FAM3A: variants seen among roughly 807,000 people sequenced by gnomAD.
FAM3A encodes the protein FAM3 metabolism regulating signaling molecule A, also known as protein FAM3A.
FAM3A carries 5 observed loss-of-function variants against 18.1 expected under a neutral mutation model. The ratio of observed to expected loss-of-function variants is 0.28; its 90% CI spans 0.14 to 0.58. The LOEUF is 0.58. FAM3A is among the 20% of genes least tolerant of loss of function. FAM3A has a pLI of 0.91. For missense variants in FAM3A, 154 were observed against 216.6 expected (o/e 0.71, Z 1.81); for synonymous variants, 108 against 90.2 (o/e 1.20, Z -1.12).
intron 1 of FAM3A, among the ~76,000 whole-genome samples, chrX:154,514,737 C>CG (rs1436055937): frequency 1.8e-5 from 2 of 110,589 alleles, no homozygotes; most frequent in African/African-American, 6.6e-5. Context: ...TTAGTAGAGA[C>CG]GGGGTTTCAC....
intron 2 of FAM3A, chrX:154,512,452 A>G (rs898937788): frequency 7.2e-5 from 16 of 221,288 alleles, no homozygotes; most frequent in Non-Finnish European, 1.1e-4. Context: ...CAAACAAACA[A>G]AAAAGTACTC....
chrX:154,507,932 G>A lies in FAM3A; in HGVS notation c.335-71C>T, dbSNP rs782596815. On this transcript the variant is annotated intron_variant, in intron 5 of 8. Coordinates refer to ENST00000447601, the MANE Select transcript of FAM3A (RefSeq NM_021806.4). ...CAGGGCACGGCAGGCGGGTAGCACC[G>A]GGGGTGGGGGGCAGCCCTTCTGGAA... 7.7e-5 allele frequency: 71 copies of A among 924,238 alleles called. 1 individual carries two copies. The highest frequency in any genetic ancestry group is 3.3e-4 in the South Asian group (14 of 42,938). The allele number at this position is 924,238 out of a possible 1,213,427, so 76.2% of individuals were successfully genotyped here. A position where few individuals can be genotyped will look rare whatever the true frequency, so the allele number is the denominator to read the frequency against.
At chrX:154,512,783 G>C in intron 2 of FAM3A, 40 bp downstream of exon 2, 6 of 1,077,923 alleles carry the variant, frequency 5.6e-6, no homozygotes, top group Non-Finnish European at 7.7e-6. Flanking sequence ...GGCCACCTTG[G>C]TGGCCTCCAG....
chrX:154,508,218 A>G, intron 5 of FAM3A, 71 bp downstream of exon 5: 2 of 859,943 alleles, frequency 2.3e-6, no homozygotes, highest in Non-Finnish European at 3.2e-6. Context: ...AGGGAGGGCA[A>G]ACACCCAGAG....
rs782118620 is a variant in FAM3A at position 154,507,192 on chromosome X, AC to A, written c.597+10del. ...TGCCCCGGTGGGGGTGATGCCAGGC[AC>A]CCCCCATACCTGCTCAAAGGGGCTC... On this transcript the variant is annotated intron_variant, in intron 8 of 8. Coordinates refer to ENST00000447601, the MANE Select transcript of FAM3A (RefSeq NM_021806.4). The A allele has an allele frequency of 2.5e-6, 3 of 1,188,474 alleles. No individual in the cohort carries two copies. In the Admixed American group the frequency reaches 6.9e-5, roughly 28 times the overall value.
rs1262367906 is a variant in FAM3A at position 154,516,033 on chromosome X, G to A, written c.-261C>T. ...CTTGCCCACAGGAGCCTCCGGGGCT[G>A]GGACGAAGATGTGGTTCTCCTGGGC... On this transcript the variant is annotated 5_prime_UTR_variant, in exon 1 of 9. Transcript: ENST00000447601. 1 of 389,626 alleles carries A rather than the reference G, an allele frequency of 2.6e-6. No homozygotes were observed. The highest frequency in any genetic ancestry group is 4.5e-6 in the Non-Finnish European group (1 of 223,591). The allele number at this position is 389,626 out of a possible 1,213,427, so 32.1% of individuals were successfully genotyped here.
Position 154,508,533 on chromosome X carries a change from G to A in FAM3A, c.216C>T (p.Phe72=). ...CGTTGGCGGCCCCGCTGACCACGCG[G>A]AAGGCCAGGTGCTCCTCAGGACACG... is the stretch of plus-strand genomic sequence containing the variant. ...PQPCPEEHLA[F]RVVSGAANVI... Residue 72 remains phenylalanine (F), a synonymous_variant, in exon 4 of 9, where the codon TTC becomes TTT. Transcript: ENST00000447601. The A allele has an allele frequency of 1.7e-6, 2 of 1,205,912 alleles. No homozygotes were observed. The highest frequency in any genetic ancestry group is 2.2e-6 in the Non-Finnish European group (2 of 892,296).
chrX:154,508,930 G>A (rs1557221150), intron 3 of FAM3A: 4 of 331,249 alleles, frequency 1.2e-5, no homozygotes, highest in African/African-American at 1.1e-4. Flanking sequence ...GCCAACCTGA[G>A]CAAAGGCAGT....
Position 154,507,027 on chromosome X carries a change from C to T in FAM3A, c.598-121G>A. ...TGGCCAACGGTGTACTCTCAGGGCACTTGGCCCCTCCACCCATCCCAGGGA... is the reference window on the plus strand; with the variant it reads ...TGGCCAACGGTGTACTCTCAGGGCATTTGGCCCCTCCACCCATCCCAGGGA... On this transcript the variant is annotated intron_variant, in intron 8 of 8. Transcript: ENST00000447601. 3.4e-6 allele frequency: 3 copies of T among 889,120 alleles called. No individual in the cohort carries two copies. In the Admixed American group the frequency reaches 8.1e-5, roughly 24 times the overall value. 73.3% of individuals were successfully genotyped at this position (889,120 alleles called of 1,213,427 possible).
Position 154,507,426 on chromosome X carries a change from G to C in FAM3A, c.450C>G (p.Ser150=), listed in dbSNP as rs2069607341. The change falls in exon 7 of 9, where the codon TCC becomes TCG. Residue 150 remains serine, a synonymous_variant. Transcript: ENST00000447601. ...CCTACTTGGTGGCTGGGTCGTCGTA[G>C]GATGCCACGAACACCAGGGTGCCTT... is the stretch of plus-strand genomic sequence containing the variant. ...LHEGTLVFVA[S]YDDPATKMNE... is the part of the protein sequence containing the mutation. 3 of 1,211,577 alleles carry C rather than the reference G, an allele frequency of 2.5e-6. No homozygotes were observed. Among genetic ancestry groups the C allele is most frequent in the Non-Finnish European group, 3.4e-6 (3 of 895,408 alleles).
At chrX:154,514,940 C>T (rs1372060643) in intron 1 of FAM3A, among the ~76,000 whole-genome samples, 2 of 111,005 alleles carry the variant, frequency 1.8e-5, no homozygotes, top group Admixed American at 9.5e-5. Flanking sequence ...CTCAGCCTCC[C>T]GGGTAGCTGG....
chrX:154,512,782 G>T, intron 2 of FAM3A, 41 bp downstream of exon 2: 1 of 1,067,614 alleles, frequency 9.4e-7, no homozygotes, highest in Non-Finnish European at 1.3e-6. Context: ...TGGCCACCTT[G>T]GTGGCCTCCA....
At chrX:154,507,739 G>A in intron 6 of FAM3A, 72 bp downstream of exon 6, 1 of 997,501 alleles carries the variant, frequency 1.0e-6, no homozygotes, top group Non-Finnish European at 1.4e-6. Flanking sequence ...GACAGAGAGA[G>A]CAGTGTCTCA....
intron 6 of FAM3A, 157 bp downstream of exon 6, chrX:154,507,654 A>G: frequency 1.2e-6 from 1 of 811,165 alleles, no homozygotes; most frequent in Non-Finnish European, 1.8e-6. Context: ...GTGACCTCCC[A>G]CAGCCTCCAG....
intron 2 of FAM3A, chrX:154,512,182 G>A (rs2069911751): frequency 1.1e-5 from 3 of 269,073 alleles, no homozygotes; most frequent in Non-Finnish European, 1.9e-5. Context: ...AGGAGTTTGA[G>A]ACCAGCCTGG....
chrX:154,507,293 C>T lies in FAM3A; in HGVS notation c.507G>A (p.Leu169=), dbSNP rs11548334. ...CCAGCTCCTTGGCGTTCCTGCTGCC[C>T]AGCTCACTGAAGAGCTTTCTGGTCT... The part of the protein sequence containing the change: ...NEETRKLFSE[L]GSRNAKELAF... The change falls in exon 8 of 9, where the codon CTG becomes CTA. Residue 169 remains leucine, a synonymous_variant. Transcript: ENST00000447601. The T allele has an allele frequency of 8.3e-7, 1 of 1,211,841 alleles. No individual in the cohort carries two copies. Among genetic ancestry groups the T allele is most frequent in the African/African-American group, 1.7e-5 (1 of 57,895 alleles).
chrX:154,507,991 G>T, intron 5 of FAM3A, 130 bp from the exon 6 acceptor site: 1 of 608,451 alleles, frequency 1.6e-6, no homozygotes, highest in Non-Finnish European at 2.5e-6. Flanking sequence ...TCATCCATTT[G>T]TTCAGGCAGC....
chrX:154,506,817 G>A lies in FAM3A; in HGVS notation c.687C>T (p.Ala229=). ...MEGCIPRRST[A]S ...GGTCCTGGCACTGGCCGTGCTAGCT[G>A]GCCGTGCTTCTCCGCGGGATACAGC... The change falls in exon 9 of 9, where the codon GCC becomes GCT. Residue 229 remains alanine (A), a synonymous_variant. Transcript: ENST00000447601. The A allele has an allele frequency of 3.3e-6, 4 of 1,210,077 alleles. No homozygotes were observed. Among genetic ancestry groups the A allele is most frequent in the Non-Finnish European group, 4.5e-6 (4 of 893,816 alleles).
rs371458136 is a variant in FAM3A, at chrX:154,506,856, C to T, written c.648G>A (p.Ala216=). 1.7e-5 allele frequency: 21 copies of T among 1,210,599 alleles called. No individual in the cohort carries two copies. Among genetic ancestry groups the T allele is most frequent in the Non-Finnish European group, 2.3e-5 (21 of 894,937 alleles). ...GCGGGATACAGCCTTCCATCTCCAGCGCCTCGGGCCAGCCTTCGTACTTGT... is the reference window on the plus strand; with the variant it reads ...GCGGGATACAGCCTTCCATCTCCAGTGCCTCGGGCCAGCCTTCGTACTTGT... ...HSNKYEGWPE[A]LEMEGCIPRR... The change falls in exon 9 of 9, where the codon GCG becomes GCA. Residue 216 remains alanine (A), a synonymous_variant. Coordinates refer to ENST00000447601, the MANE Select transcript of FAM3A (RefSeq NM_021806.4).
Sources: gnomAD v4.1 joint callset for allele counts (sites outside exome capture counted in the v4.1 genomes callset) on GRCh38, gnomAD v4.1.1 for gene constraint, MANE v1.5 for transcripts, NCBI Gene and HGNC (gene_info 2026-07-23, HGNC 2026-07-21) for gene names.